The following ADH1A variants were observed in gnomAD, a reference collection of about 807,000 sequenced individuals.
ADH1A encodes the protein alcohol dehydrogenase 1A (class I), alpha polypeptide.
Under a neutral mutation model 35.2 loss-of-function variants are expected in ADH1A, and 29 were observed. That is an observed-to-expected ratio of 0.82 (90% CI 0.61 to 1.12). ADH1A has a LOEUF of 1.12. ADH1A is among the 50% of genes most tolerant of loss of function. ADH1A has a pLI of 0.00. For missense variants in ADH1A, 469 were observed against 464.7 expected (o/e 1.01, Z -0.09); for synonymous variants, 147 against 164.8 (o/e 0.89, Z 0.83).
chr4:99,277,382 C>T (rs1490860273), intron 8 of ADH1A, among the ~76,000 whole-genome samples: 9 of 151,950 alleles, frequency 5.9e-5, no homozygotes, highest in Non-Finnish European at 1.2e-4. Flanking sequence ...AACTAATGCC[C>T]TTTCTATAAA....
At position 99,282,389 on chromosome 4, in the gene ADH1A, C is replaced by T. The variant is rs1733028974; in HGVS notation, c.785G>A (p.Gly262Asp). 1.2e-6 allele frequency: 2 copies of T among 1,614,144 alleles called. No individual in the cohort carries two copies. The highest frequency in any genetic ancestry group is 3.3e-5 in the Admixed American group (2 of 60,016). Residue 262 changes from glycine (G) to aspartate (D), a missense_variant, in exon 6 of 9, where the codon GGT becomes GAT. By Grantham distance (94) the Gly-to-Asp change is moderately conservative. Transcript: ENST00000209668. ...GATGACTTCAAATGAAAAATCCACA[C>T]CTCCATCAGTCATTTCCTTTAGCAC... ...QEVLKEMTDG[G>D]VDFSFEVIGR...
At chr4:99,281,305 A>T (rs993518397) in intron 6 of ADH1A, 11 of 152,190 alleles carry the variant, frequency 7.2e-5, no homozygotes, top group African/African-American at 2.4e-4. Context: ...GTAGGATTCT[A>T]GAGAATTCTG....
chr4:99,290,817 A>G, intron 1 of ADH1A, 80 bp downstream of exon 1: 1 of 1,408,806 alleles, frequency 7.1e-7, no homozygotes. Flanking sequence ...TGAATTTTAA[A>G]TGATTCATCA....
At chr4:99,279,797 C>T (rs1023935590) in intron 7 of ADH1A, among the ~76,000 whole-genome samples, 10 of 151,952 alleles carry the variant, frequency 6.6e-5, no homozygotes, top group Non-Finnish European at 1.5e-5. Flanking sequence ...AATCATAGTA[C>T]AGATGTTATG....
intron 3 of ADH1A, 115 bp downstream of exon 3, chr4:99,286,735 G>T: frequency 1.3e-6 from 2 of 1,516,680 alleles, no homozygotes; most frequent in Non-Finnish European, 8.9e-7. Context: ...TGAAGTCCTG[G>T]CTGCGCGGTG....
At chr4:99,276,792 G>A in intron 8 of ADH1A, 144 bp from the exon 9 acceptor site, 1 of 738,048 alleles carries the variant, frequency 1.4e-6, no homozygotes. Context: ...GTCAAGTGAA[G>A]TCAAAGGAAA....
At chr4:99,285,335 T>A (rs1190209253) in intron 3 of ADH1A, among the ~76,000 whole-genome samples, 2 of 152,330 alleles carry the variant, frequency 1.3e-5, no homozygotes, top group East Asian at 3.9e-4. Flanking sequence ...CTCAGTTCTT[T>A]TTTTGAGGAA....
intron 8 of ADH1A, 25 bp from the exon 9 acceptor site, chr4:99,276,673 G>A: frequency 6.2e-7 from 1 of 1,603,860 alleles, no homozygotes. Context: ...AAGAGACATT[G>A]TATTAGCATT....
intron 3 of ADH1A, 120 bp downstream of exon 3, chr4:99,286,730 T>C: frequency 6.7e-7 from 1 of 1,502,762 alleles, no homozygotes; most frequent in Middle Eastern, 2.5e-4. Flanking sequence ...ATCCCTGAAG[T>C]CCTGGCTGCG....
At chr4:99,290,641 C>T (rs189641709) in intron 1 of ADH1A, among the ~76,000 whole-genome samples, 314 of 152,162 alleles carry the variant, frequency 2.1e-3, no homozygotes, top group Non-Finnish European at 3.6e-3. Context: ...ATCGCTTTAC[C>T]GCAAATGTCT....
intron 8 of ADH1A, among the ~76,000 whole-genome samples, chr4:99,276,892 C>G (rs1732882821): frequency 6.6e-6 from 1 of 152,110 alleles, no homozygotes; most frequent in African/African-American, 2.4e-5. Context: ...GACTTCAATA[C>G]TACGTTAGCA....
chr4:99,279,856 A>C (rs557886481), intron 7 of ADH1A, among the ~76,000 whole-genome samples: 1 of 151,556 alleles, frequency 6.6e-6, no homozygotes, highest in Non-Finnish European at 1.5e-5. Flanking sequence ...GTAGATATGA[A>C]ATATTGTTGT....
chr4:99,283,853 G>T (rs1436674226), intron 5 of ADH1A, among the ~76,000 whole-genome samples: 1 of 152,126 alleles, frequency 6.6e-6, no homozygotes, highest in Non-Finnish European at 1.5e-5. Flanking sequence ...ATGTCATAAT[G>T]AGTGAATTAC....
chr4:99,279,406 AAACT>A lies in ADH1A; in HGVS notation c.1103+16_1103+19del, dbSNP rs1164199971. 6.3e-7 allele frequency: 1 copy of A among 1,583,078 alleles called. No homozygotes were observed. The highest frequency in any genetic ancestry group is 1.4e-5 in the African/African-American group (1 of 72,606). On this transcript the variant is annotated intron_variant, in intron 8 of 8. Coordinates refer to ENST00000209668, the MANE Select transcript of ADH1A (RefSeq NM_000667.4). ...ATGGTAGAAAAAAAAGCAAAACAGA[AAACT>A]AACTAAAAAATCTACCTTTTCCCAG...
At position 99,279,495 on chromosome 4, in the gene ADH1A, G is replaced by A. The variant is rs1389922732; in HGVS notation, c.1034C>T (p.Ala345Val). Residue 345 changes from alanine (A) to valine (V), a missense_variant, in exon 8 of 9, where the codon GCA becomes GTA. Coordinates refer to ENST00000209668, the MANE Select transcript of ADH1A (RefSeq NM_000667.4). ...AAAAGGTAAAACATGGGTTATTAAT[G>A]CATCCAATGAAAACTTCTTAGCCAT... The part of the protein sequence containing the change: ...DFMAKKFSLD[A>V]LITHVLPFEK... The A allele has an allele frequency of 6.2e-7, 1 of 1,611,916 alleles. No individual in the cohort carries two copies.
At chr4:99,282,018 T>A (rs1038594253) in intron 6 of ADH1A, 11 of 313,124 alleles carry the variant, frequency 3.5e-5, no homozygotes, top group Non-Finnish European at 6.4e-5. Context: ...ACATTCCAAT[T>A]TGAGAACAGA....
rs368531473 is a variant in ADH1A, at chr4:99,283,135, T to G, written c.568-529A>C. On this transcript the variant is annotated intron_variant, in intron 5 of 8. Transcript: ENST00000209668. ...AACTCCTTGGTTCATTTATGTTCAG[T>G]AGTCATGACCAGTATATCCCTGCTT... Among the ~76,000 whole-genome samples, 152 of 152,346 alleles carry G rather than the reference T, an allele frequency of 1.0e-3. 2 individuals carry two copies. Among genetic ancestry groups the G allele is most frequent in the African/African-American group, 3.4e-3 (140 of 41,582 alleles).
At position 99,279,463 on chromosome 4, in the gene ADH1A, T is replaced by G. The variant is rs1425211413; in HGVS notation, c.1066A>C (p.Ile356Leu). 1.9e-6 allele frequency: 3 copies of G among 1,608,548 alleles called. No individual in the cohort carries two copies. The highest frequency in any genetic ancestry group is 2.5e-6 in the Non-Finnish European group (3 of 1,178,500). The change falls in exon 8 of 9, where the codon ATA (isoleucine) becomes CTA (leucine). Residue 356 changes from isoleucine (I) to leucine (L), a missense_variant. Ile to Leu is a conservative substitution (Grantham distance 5). Transcript: ENST00000209668. Reference protein sequence around the residue: ...LITHVLPFEKINEGFDLLHSG... With the variant: ...LITHVLPFEKLNEGFDLLHSG... ...TGAAGCAGGTCAAATCCTTCATTTA[T>G]TTTTTCAAAAGGTAAAACATGGGTT...
intron 8 of ADH1A, 151 bp from the exon 9 acceptor site, chr4:99,276,799 G>A: frequency 1.4e-6 from 1 of 706,726 alleles, no homozygotes; most frequent in South Asian, 1.9e-5. Context: ...GAAGTCAAAG[G>A]AAAGCTCATC....
Sources: allele counts gnomAD v4.1 joint callset (sites outside exome capture counted in the v4.1 genomes callset), GRCh38; gene constraint gnomAD v4.1.1; transcripts MANE v1.5; gene names NCBI Gene and HGNC (gene_info 2026-07-23, HGNC 2026-07-21).